The following IL33 variants were observed in gnomAD, a reference collection of about 807,000 sequenced individuals.
IL33 encodes the protein interleukin 33.
IL33 carries 37 observed loss-of-function variants against 27.3 expected under a neutral mutation model. The ratio of observed to expected loss-of-function variants is 1.36; its 90% CI spans 1.04 to 1.78. The LOEUF is 1.78. Ranked by LOEUF, IL33 falls within the 40% of genes most tolerant of loss-of-function variation. IL33 has a pLI of 0.00. For missense variants in IL33, 406 were observed against 311.4 expected (o/e 1.30, Z -2.29); for synonymous variants, 132 against 102.9 (o/e 1.28, Z -1.71).
rs902212335 is a variant in IL33, at chr9:6,243,457, G to A, written c.91+1672G>A. Among the ~76,000 whole-genome samples, 39 of 152,124 alleles carry A rather than the reference G, an allele frequency of 2.6e-4. 2 individuals carry two copies. The highest frequency in any genetic ancestry group is 2.2e-3 in the Admixed American group (33 of 15,258). Reference sequence around the variant, plus strand: ...AAAACCTCTGCCTCCTGGTTCAAGCGATTCTCCTGTCTCAGCCTCCCAAGT... The same window carrying A: ...AAAACCTCTGCCTCCTGGTTCAAGCAATTCTCCTGTCTCAGCCTCCCAAGT... On this transcript the variant is annotated intron_variant, in intron 2 of 7. Coordinates refer to ENST00000682010, the MANE Select transcript of IL33 (RefSeq NM_033439.4).
intron 1 of IL33, among the ~76,000 whole-genome samples, chr9:6,222,585 A>G (rs1818457707): frequency 6.6e-6 from 1 of 152,236 alleles, no homozygotes; most frequent in Admixed American, 6.5e-5. Flanking sequence ...AACATGAGAA[A>G]AAAAGCCTGC....
Position 6,256,053 on chromosome 9 carries a change from A to G in IL33, c.698A>G (p.Lys233Arg). 6.2e-7 allele frequency: 1 copy of G among 1,613,544 alleles called. No homozygotes were observed. The highest frequency in any genetic ancestry group is 1.1e-5 in the South Asian group (1 of 91,070). ...MHSNCVSFEC[K>R]TDPGVFIGVK... ...TCCAACTGTGTTTCATTTGAATGCA[A>G]GACTGATCCTGGAGTGTTTATAGGT... Residue 233 changes from lysine to arginine, a missense_variant, in exon 8 of 8, where the codon AAG (lysine) becomes AGG (arginine). By Grantham distance (26) the Lys-to-Arg change is conservative. Coordinates refer to ENST00000682010, the MANE Select transcript of IL33 (RefSeq NM_033439.4).
At chr9:6,229,644 G>C (rs1457880284) in intron 1 of IL33, among the ~76,000 whole-genome samples, 1 of 152,198 alleles carries the variant, frequency 6.6e-6, no homozygotes, top group African/African-American at 2.4e-5. Context: ...CATCTGTCTA[G>C]TGGATGATGC....
chr9:6,245,898 T>TA (rs1819809789), intron 2 of IL33, among the ~76,000 whole-genome samples: 1 of 149,734 alleles, frequency 6.7e-6, no homozygotes, highest in Non-Finnish European at 1.5e-5. Flanking sequence ...CCGTCTCTAC[T>TA]AAAAAATACA....
At position 6,256,185 on chromosome 9, in the gene IL33, A is replaced by G. The variant is rs995267844; in HGVS notation, c.*17A>G. On this transcript the variant is annotated 3_prime_UTR_variant, in exon 8 of 8. Coordinates refer to ENST00000682010, the MANE Select transcript of IL33 (RefSeq NM_033439.4). ...GAAACTTAGTTGATGGAAACCTGTG[A>G]GTCTTGGGTTGAGTACCCAAATGCT... 2 of 1,599,130 alleles carry G rather than the reference A, an allele frequency of 1.3e-6. No individual in the cohort carries two copies. The highest frequency in any genetic ancestry group is 1.7e-6 in the Non-Finnish European group (2 of 1,167,444).
At position 6,215,841 on chromosome 9, in the gene IL33, C is replaced by T. The variant is rs539513326; in HGVS notation, c.-23C>T. On this transcript the variant is annotated 5_prime_UTR_variant, in exon 1 of 8. Coordinates refer to ENST00000682010, the MANE Select transcript of IL33 (RefSeq NM_033439.4). ...CAGCTCTTCAGGGAAGAAATCAAAA[C>T]AAGATCACAAGGTAAGACTGAATAT... The T allele has an allele frequency of 1.3e-5, 2 of 152,096 alleles. No individual in the cohort carries two copies. Among genetic ancestry groups the T allele is most frequent in the South Asian group, 2.1e-4 (1 of 4,818 alleles). The allele number at this position is 152,096 out of a possible 1,614,324, so 9.4% of individuals were successfully genotyped here. A position where few individuals can be genotyped will look rare whatever the true frequency, so the allele number is the denominator to read the frequency against.
chr9:6,253,195 G>C (rs1816512182), intron 5 of IL33, among the ~76,000 whole-genome samples: 3 of 152,188 alleles, frequency 2.0e-5, no homozygotes, highest in African/African-American at 7.2e-5. Context: ...ACGTTCATCA[G>C]AGAAGAATGC....
rs191607042 is a variant in IL33 at position 6,223,806 on chromosome 9, C to G, written c.-12+7954C>G. 6.8e-3 allele frequency among the ~76,000 whole-genome samples: 1,030 copies of G among 152,286 alleles called. 6 individuals carry two copies. The highest frequency in any genetic ancestry group is 0.024 in the Middle Eastern group (7 of 294). On this transcript the variant is annotated intron_variant, in intron 1 of 7. Transcript: ENST00000682010. ...TAAGGACACTTTTTGCTCGCTTAAT[C>G]AGAAGTTTCGTCGGGCAGTTTCAGA... is the stretch of plus-strand genomic sequence containing the variant.
In IL33 at chr9:6,254,568, T is replaced by A. The variant is rs10975521; in HGVS notation, c.612+15T>A. The A allele has an allele frequency of 0.3, 415,050 of 1,378,484 alleles. 38,492 individuals carry two copies. Among genetic ancestry groups the A allele is most frequent in the Admixed American group, 0.45 (20,936 of 46,402 alleles). 85.4% of individuals were successfully genotyped at this position (1,378,484 alleles called of 1,614,324 possible). On this transcript the variant is annotated intron_variant, in intron 7 of 7. Transcript: ENST00000682010. ...ACTCTGTGGAGGTAAAAAAAAAAAA[T>A]TTATCTATATCTATATATATGATTA...
chr9:6,243,674 G>A (rs1027906155), intron 2 of IL33, among the ~76,000 whole-genome samples: 4 of 152,156 alleles, frequency 2.6e-5, no homozygotes, highest in Admixed American at 2.0e-4. Context: ...GCAATTTTAG[G>A]ATCTGTTTTT....
At chr9:6,227,348 G>C (rs1249294233) in intron 1 of IL33, among the ~76,000 whole-genome samples, 1 of 152,086 alleles carries the variant, frequency 6.6e-6, no homozygotes, top group African/African-American at 2.4e-5. Flanking sequence ...AGCCAAGTTT[G>C]CTAGCCTCCC....
chr9:6,255,676 T>A (rs1474349593), intron 7 of IL33, among the ~76,000 whole-genome samples: 1 of 152,094 alleles, frequency 6.6e-6, no homozygotes, highest in Non-Finnish European at 1.5e-5. Flanking sequence ...ATCTCAGAGA[T>A]AGTACATGTC....
chr9:6,240,970 G>C (rs549789415), intron 1 of IL33, among the ~76,000 whole-genome samples: 1 of 150,048 alleles, frequency 6.7e-6, no homozygotes, highest in Non-Finnish European at 1.5e-5. Context: ...TACTTTTTAC[G>C]CTTTTTCCTT....
rs1191838292 is a variant in IL33 at position 6,251,211 on chromosome 9, G to A, written c.289G>A (p.Gly97Ser). Residue 97 changes from glycine (G) to serine (S), a missense_variant, in exon 4 of 8, where the codon GGT becomes AGT. Transcript: ENST00000682010. ...QQSTVECFAF[G>S]ISGVQKYTRA... Reference sequence around the variant, plus strand: ...GTCTACTGTGGAGTGCTTTGCCTTTGGTATATCAGGGGTCCAGAAATATAC... The same window carrying A: ...GTCTACTGTGGAGTGCTTTGCCTTTAGTATATCAGGGGTCCAGAAATATAC... The A allele has an allele frequency of 6.2e-7, 1 of 1,613,802 alleles. No individual in the cohort carries two copies. The highest frequency in any genetic ancestry group is 8.5e-7 in the Non-Finnish European group (1 of 1,179,860).
chr9:6,233,331 C>T (rs1819018872), intron 1 of IL33, among the ~76,000 whole-genome samples: 1 of 152,144 alleles, frequency 6.6e-6, no homozygotes, highest in Non-Finnish European at 1.5e-5. Flanking sequence ...ATCCCTAGAC[C>T]TTAAAACTTC....
At chr9:6,254,621 C>T in intron 7 of IL33, 68 bp downstream of exon 7, 1 of 912,588 alleles carries the variant, frequency 1.1e-6, no homozygotes, top group Non-Finnish European at 1.6e-6. Context: ...ACTCCACCAA[C>T]TTGTGTAGAT....
intron 1 of IL33, among the ~76,000 whole-genome samples, chr9:6,226,441 A>G (rs1247475939): frequency 6.6e-6 from 1 of 152,058 alleles, no homozygotes; most frequent in Non-Finnish European, 1.5e-5. Flanking sequence ...CTGTTCTAGC[A>G]TCTCCTTCTA....
At chr9:6,228,694 A>G (rs2026990) in intron 1 of IL33, among the ~76,000 whole-genome samples, 49,441 of 151,754 alleles carry the variant, frequency 0.33, 9,120 homozygotes, top group African/African-American at 0.5. Flanking sequence ...CTGTCTCTAC[A>G]AAAATAAAAA....
intron 2 of IL33, among the ~76,000 whole-genome samples, chr9:6,247,939 C>A (rs1352449750): frequency 6.6e-6 from 1 of 152,002 alleles, no homozygotes; most frequent in African/African-American, 2.4e-5. Context: ...AAGACTTCCA[C>A]ATCTTCAGTA....
Sources: allele counts gnomAD v4.1 joint callset (sites outside exome capture counted in the v4.1 genomes callset), GRCh38; gene constraint gnomAD v4.1.1; transcripts MANE v1.5; gene names NCBI Gene and HGNC (gene_info 2026-07-23, HGNC 2026-07-21).